ZNF124: variants seen among roughly 807,000 people sequenced by gnomAD.
The protein encoded by ZNF124 is zinc finger protein HZF-16.
In ZNF124, 25 loss-of-function variants were observed where a neutral mutation model predicts 26.6. That is an observed-to-expected ratio of 0.94 (90% confidence interval 0.68 to 1.31). The LOEUF (loss-of-function observed/expected upper bound fraction) is 1.31, where lower values mean the gene tolerates loss of function less well. ZNF124 is among the 40% of genes most tolerant of loss of function. The probability of loss-of-function intolerance (pLI) is 0.00; values close to 1 mark genes in which losing one functional copy is unlikely to be tolerated. For synonymous variants in ZNF124, 129 were observed against 133.3 expected (o/e 0.97, Z 0.22); for missense variants, 444 against 422.2 (o/e 1.05, Z -0.45).
chr1:247,133,913 A>G (rs1044661103), intron 3 of ZNF124, among the ~76,000 whole-genome samples: 4 of 152,114 alleles, frequency 2.6e-5, no homozygotes, highest in Admixed American at 1.3e-4. Flanking sequence ...TCGGCCTCCT[A>G]AAGTGCTGGG....
At chr1:247,151,340 G>A (rs974113104), downstream of ZNF124, among the ~76,000 whole-genome samples, 3 of 152,174 alleles carry the variant, frequency 2.0e-5, no homozygotes, top group Non-Finnish European at 2.9e-5. Context: ...TTAGCCGGGC[G>A]TGGTGGCGGG....
chr1:247,148,515 G>C (rs1672843966), intron 3 of ZNF124, among the ~76,000 whole-genome samples: 1 of 152,170 alleles, frequency 6.6e-6, no homozygotes, highest in South Asian at 2.1e-4. Context: ...AAAAATATTT[G>C]ATGGTTCATC....
downstream of ZNF124, among the ~76,000 whole-genome samples, chr1:247,151,245 C>T (rs962337184): frequency 2.0e-5 from 3 of 151,920 alleles, no homozygotes; most frequent in East Asian, 1.9e-4. Flanking sequence ...TTTGGGAGGT[C>T]GAGGCGGGCG....
chr1:247,148,211 A>G (rs764632157), intron 3 of ZNF124, among the ~76,000 whole-genome samples: 1 of 152,190 alleles, frequency 6.6e-6, no homozygotes, highest in Middle Eastern at 3.2e-3. Flanking sequence ...CAACCTCGCT[A>G]ACAGGTTGGC....
chr1:247,166,272 T>C (rs1006744525), intron 1 of ZNF124, among the ~76,000 whole-genome samples: 7 of 152,238 alleles, frequency 4.6e-5, no homozygotes, highest in African/African-American at 1.7e-4. Context: ...TGGTGGGAAT[T>C]CAATTCACTC....
chr1:247,165,975 C>T (rs752466380), intron 1 of ZNF124, among the ~76,000 whole-genome samples: 1 of 152,020 alleles, frequency 6.6e-6, no homozygotes, highest in South Asian at 2.1e-4. Context: ...TCCAGGAGTT[C>T]GAGACCAGCT....
chr1:247,145,538 A>G (rs1292691251), intron 3 of ZNF124, among the ~76,000 whole-genome samples: 3 of 152,194 alleles, frequency 2.0e-5, no homozygotes, highest in Admixed American at 2.0e-4. Flanking sequence ...GTCTGGCTGC[A>G]GTGCTGCCCT....
intron 1 of ZNF124, among the ~76,000 whole-genome samples, chr1:247,162,861 G>A (rs1673565712): frequency 6.6e-6 from 1 of 152,108 alleles, no homozygotes; most frequent in South Asian, 2.1e-4. Flanking sequence ...ATGCCCCACT[G>A]ATGGTATTAG....
At chr1:247,126,053 GA>G (rs1387100182) in intron 3 of ZNF124, among the ~76,000 whole-genome samples, 3 of 152,146 alleles carry the variant, frequency 2.0e-5, no homozygotes, top group Non-Finnish European at 4.4e-5. Context: ...CATGAGGTCA[GA>G]AGTTCGAGAC....
At position 247,158,944 on chromosome 1, in the gene ZNF124, A is replaced by G. The variant is rs374796650; in HGVS notation, c.218+62T>C. The G allele has an allele frequency of 2.9e-5, 43 of 1,495,984 alleles. No homozygotes were observed. The African/African-American group carries it at 5.4e-4, about 19-fold the overall frequency. 92.7% of individuals were successfully genotyped at this position (1,495,984 alleles called of 1,614,324 possible). A position where few individuals can be genotyped will look rare whatever the true frequency, so the allele number is the denominator to read the frequency against. On this transcript the variant is annotated intron_variant, in intron 3 of 3. Transcript: ENST00000543802. ...ATGCCTGGCCTTGTTTGCTTTAAAC[A>G]TATGATTATATACTACAATTGACCC... is the stretch of plus-strand genomic sequence containing the variant.
downstream of ZNF124, among the ~76,000 whole-genome samples, chr1:247,151,756 C>T (rs557441657): frequency 1.3e-4 from 20 of 151,858 alleles, no homozygotes; most frequent in Non-Finnish European, 2.8e-4. Flanking sequence ...AAAACACATG[C>T]ATATGTGCAT....
rs1374800938 is a variant in ZNF124, at chr1:247,155,230, C to T, written c.*1336G>A. ...TAAACTTTACATACTTACAAATTGA[C>T]AGCAACTCTATTAGCAAAGAAAATA... On this transcript the variant is annotated 3_prime_UTR_variant, in exon 4 of 4. Transcript: ENST00000543802. 1.3e-5 allele frequency among the ~76,000 whole-genome samples: 2 copies of T among 152,064 alleles called. No individual in the cohort carries two copies. Among genetic ancestry groups the T allele is most frequent in the East Asian group, 3.9e-4 (2 of 5,188 alleles).
In ZNF124 at chr1:247,128,861, G is replaced by A. The variant is rs113287884; in HGVS notation, c.219-4990C>T. ...GGCGCAGTTTTCTGGGGGAGGGTGG[G>A]CATTGAGTACTTCCCCCAGCAGGAT... On this transcript the variant is annotated intron_variant, in intron 3 of 3. Coordinates refer to the ZNF124 transcript ENST00000472531. 5.5e-3 allele frequency among the ~76,000 whole-genome samples: 745 copies of A among 134,620 alleles called. 30 individuals carry two copies. The highest frequency in any genetic ancestry group is 0.011 in the African/African-American group (408 of 35,588). The allele number at this position is 134,620 out of a possible 152,430, so 88.3% of individuals were successfully genotyped here. A position where few individuals can be genotyped will look rare whatever the true frequency, so the allele number is the denominator to read the frequency against.
rs1375767645 is a variant in ZNF124 at position 247,156,951 on chromosome 1, T to C, written c.671A>G (p.His224Arg). 7 of 1,613,370 alleles carry C rather than the reference T, an allele frequency of 4.3e-6. No individual in the cohort carries two copies. The South Asian group carries it at 5.5e-5, about 13-fold the overall frequency. Residue 224 changes from histidine to arginine, a missense_variant, in exon 4 of 4, where the codon CAT (histidine) becomes CGT (arginine). Transcript: ENST00000543802. The part of the protein sequence containing the change: ...AFRYSNCLHY[H>R]ERTHTGEKPY... ...TTTCTCTCCAGTGTGAGTTCTTTCATGGTAATGAAGGCAATTGGAGTAACG... is the reference window on the plus strand; with the variant it reads ...TTTCTCTCCAGTGTGAGTTCTTTCACGGTAATGAAGGCAATTGGAGTAACG...
chr1:247,165,691 A>C (rs1673740104), intron 1 of ZNF124, among the ~76,000 whole-genome samples: 1 of 152,214 alleles, frequency 6.6e-6, no homozygotes, highest in Non-Finnish European at 1.5e-5. Context: ...CAGAATCTGT[A>C]AGAAACTTAA....
chr1:247,157,869 T>A (rs929534477), intron 3 of ZNF124, among the ~76,000 whole-genome samples: 2 of 151,730 alleles, frequency 1.3e-5, no homozygotes, highest in African/African-American at 4.8e-5. Context: ...GCTTGGGTCA[T>A]GGGAGCAGAT....
At chr1:247,139,459 T>C (rs1672570493) in intron 3 of ZNF124, among the ~76,000 whole-genome samples, 1 of 152,242 alleles carries the variant, frequency 6.6e-6, no homozygotes, top group East Asian at 1.9e-4. Context: ...GAGCTTGCCA[T>C]TGTGCGCCTT....
rs942885700 is a variant in ZNF124, at chr1:247,130,062, T to G, written c.219-6191A>C. On this transcript the variant is annotated intron_variant, in intron 3 of 3. Coordinates refer to the ZNF124 transcript ENST00000472531. ...TTGACCCTTGAGTCAGCCATGTCCG[T>G]GCTCGTCAGTACTGCTACTCGTTTG... 7.6e-4 allele frequency among the ~76,000 whole-genome samples: 116 copies of G among 152,132 alleles called. 1 individual carries two copies. Among genetic ancestry groups the G allele is most frequent in the Admixed American group, 3.6e-3 (55 of 15,270 alleles).
At position 247,155,936 on chromosome 1, in the gene ZNF124, T is replaced by C. The variant is rs1673106232; in HGVS notation, c.*630A>G. ...GAAAATCTATATTCTAGAGACTCTC[T>C]TCAAAAATGAGCAACCAATATATTC... On this transcript the variant is annotated 3_prime_UTR_variant, in exon 4 of 4. Coordinates refer to ENST00000543802, the MANE Select transcript of ZNF124 (RefSeq NM_001297568.2). The C allele has an allele frequency of 5.3e-6, 5 of 937,764 alleles. No individual in the cohort carries two copies. Among genetic ancestry groups the C allele is most frequent in the Non-Finnish European group, 6.4e-6 (5 of 787,136 alleles). 58.1% of individuals were successfully genotyped at this position (937,764 alleles called of 1,614,324 possible). A position where few individuals can be genotyped will look rare whatever the true frequency, so the allele number is the denominator to read the frequency against.
Sources: allele counts gnomAD v4.1 joint callset (sites outside exome capture counted in the v4.1 genomes callset), GRCh38; gene constraint gnomAD v4.1.1; transcripts MANE v1.5; gene names NCBI Gene and HGNC (gene_info 2026-07-23, HGNC 2026-07-21).